Variants in PSMA1 observed in about 807,000 individuals in gnomAD.
PSMA1 encodes the protein proteasome 20S subunit alpha 1.
PSMA1 carries 3 observed loss-of-function variants against 38.4 expected under a neutral mutation model. The ratio of observed to expected loss-of-function variants is 0.08; its 90% confidence interval spans 0.04 to 0.20. PSMA1 has a LOEUF of 0.20. Ranked by LOEUF, PSMA1 falls within the 10% of genes least tolerant of loss-of-function variation. The pLI, the probability that PSMA1 is intolerant of heterozygous loss-of-function variation, is 1.00. For missense variants in PSMA1, 227 were observed against 325.3 expected, an observed-to-expected ratio of 0.70 and a Z score of 2.32; for synonymous variants, 101 against 107.1, an observed-to-expected ratio of 0.94 and a Z score of 0.35.
intron 2 of PSMA1, among the ~76,000 whole-genome samples, chr11:14,602,999 G>A (rs528879057): frequency 4.2e-4 from 64 of 152,230 alleles, no homozygotes; most frequent in Middle Eastern, 3.4e-3. Context: ...TTTGATGTGG[G>A]GGCTTCCAAT....
At chr11:14,544,698 G>A (rs984683796) in intron 2 of PSMA1, among the ~76,000 whole-genome samples, 2 of 152,174 alleles carry the variant, frequency 1.3e-5, no homozygotes, top group Non-Finnish European at 2.9e-5. Context: ...AGAGGATATT[G>A]AGAAATTGAA....
upstream of PSMA1, among the ~76,000 whole-genome samples, chr11:14,523,986 C>A (rs1851558981): frequency 6.6e-6 from 1 of 151,334 alleles, no homozygotes; most frequent in South Asian, 2.1e-4. Context: ...CTTTAAAGGT[C>A]ATTGGAAGCC....
chr11:14,587,597 G>GT (rs1361150340), intron 2 of PSMA1, among the ~76,000 whole-genome samples: 4 of 121,018 alleles, frequency 3.3e-5, no homozygotes, highest in Non-Finnish European at 5.4e-5. Flanking sequence ...TTTTTTTTTT[G>GT]TCTTTTTTTT....
intron 2 of PSMA1, among the ~76,000 whole-genome samples, chr11:14,554,811 C>T (rs1851925369): frequency 6.6e-6 from 1 of 152,140 alleles, no homozygotes; most frequent in South Asian, 2.1e-4. Context: ...ACATGCATAA[C>T]TCACAAAATT....
chr11:14,637,715 A>C (rs936782905), intron 1 of PSMA1, among the ~76,000 whole-genome samples: 2 of 152,190 alleles, frequency 1.3e-5, no homozygotes, highest in Admixed American at 1.3e-4. Context: ...GCATTCCTTA[A>C]AATTTAATAT....
intron 2 of PSMA1, among the ~76,000 whole-genome samples, chr11:14,604,748 T>A (rs1044242159): frequency 7.9e-5 from 12 of 152,312 alleles, no homozygotes; most frequent in African/African-American, 2.9e-4. Flanking sequence ...CAGAGTCTAC[T>A]GCTGCCGTCT....
intron 2 of PSMA1, among the ~76,000 whole-genome samples, chr11:14,590,174 G>T (rs1465491208): frequency 3.9e-5 from 6 of 152,204 alleles, no homozygotes; most frequent in Admixed American, 2.0e-4. Context: ...AATGTTGGTT[G>T]CTAGGAGTTG....
chr11:14,619,551 T>A (rs1234894222), intron 1 of PSMA1, among the ~76,000 whole-genome samples: 1 of 152,140 alleles, frequency 6.6e-6, no homozygotes, highest in Admixed American at 6.5e-5. Context: ...AAAGAAGAGG[T>A]AATTATAAAG....
At chr11:14,510,987 C>T in intron 7 of PSMA1, 36 bp from the exon 8 acceptor site, 1 of 1,336,608 alleles carries the variant, frequency 7.5e-7, no homozygotes, top group African/African-American at 1.5e-5. Context: ...TTCTTAATTT[C>T]ATTGTTATGC....
intron 2 of PSMA1, among the ~76,000 whole-genome samples, chr11:14,543,111 G>A (rs1379022755): frequency 1.3e-5 from 2 of 152,172 alleles, no homozygotes; most frequent in Non-Finnish European, 2.9e-5. Context: ...GATTACAAGC[G>A]TGAGCCACTG....
intron 2 of PSMA1, among the ~76,000 whole-genome samples, chr11:14,596,814 T>C (rs944783749): frequency 6.6e-6 from 1 of 152,202 alleles, no homozygotes; most frequent in Non-Finnish European, 1.5e-5. Context: ...GGCATCCCTG[T>C]CTTGTGCCAG....
At chr11:14,634,521 T>G (rs1293079500) in intron 1 of PSMA1, among the ~76,000 whole-genome samples, 1 of 151,916 alleles carries the variant, frequency 6.6e-6, no homozygotes, top group Non-Finnish European at 1.5e-5. Flanking sequence ...TTTTAAGTGA[T>G]TTTTGTAGAG....
intron 2 of PSMA1, among the ~76,000 whole-genome samples, chr11:14,556,976 C>T (rs779001140): frequency 2.0e-5 from 3 of 152,186 alleles, no homozygotes; most frequent in East Asian, 1.9e-4. Flanking sequence ...GTGGGAACTA[C>T]AGGTGCATAC....
intron 2 of PSMA1, among the ~76,000 whole-genome samples, chr11:14,590,399 G>C (rs1466028353): frequency 6.6e-6 from 1 of 152,122 alleles, no homozygotes; most frequent in Non-Finnish European, 1.5e-5. Flanking sequence ...TTGTTTGTTA[G>C]TTTTCAAAAG....
At chr11:14,553,273 T>C (rs919882478) in intron 2 of PSMA1, among the ~76,000 whole-genome samples, 2 of 152,206 alleles carry the variant, frequency 1.3e-5, no homozygotes, top group African/African-American at 2.4e-5. Flanking sequence ...TATAGTACAA[T>C]ATTAAATTCA....
At chr11:14,544,010 G>C (rs1341400167) in intron 2 of PSMA1, among the ~76,000 whole-genome samples, 1 of 152,112 alleles carries the variant, frequency 6.6e-6, no homozygotes, top group Non-Finnish European at 1.5e-5. Flanking sequence ...AGCAACAAAA[G>C]AAAATATAAT....
chr11:14,589,949 T>C (rs1355505766), intron 2 of PSMA1, among the ~76,000 whole-genome samples: 2 of 152,166 alleles, frequency 1.3e-5, no homozygotes, highest in East Asian at 3.9e-4. Flanking sequence ...AGCACAAGTG[T>C]TCACTGATGG....
chr11:14,561,992 A>T (rs528798112), intron 2 of PSMA1, among the ~76,000 whole-genome samples: 1 of 152,322 alleles, frequency 6.6e-6, no homozygotes, highest in Non-Finnish European at 1.5e-5. Context: ...TTTCTTACAC[A>T]GGTGTTGGAA....
chr11:14,511,772 C>G (rs1851347573), intron 7 of PSMA1, among the ~76,000 whole-genome samples: 1 of 152,118 alleles, frequency 6.6e-6, no homozygotes, highest in African/African-American at 2.4e-5. Context: ...GTTCATGCAA[C>G]TTATATTCAT....
Sources: gnomAD v4.1 joint callset for allele counts (sites outside exome capture counted in the v4.1 genomes callset) on GRCh38, gnomAD v4.1.1 for gene constraint, MANE v1.5 for transcripts, NCBI Gene and HGNC (gene_info 2026-07-23, HGNC 2026-07-21) for gene names.